AUTS2: variants seen among roughly 807,000 people sequenced by gnomAD.
AUTS2 encodes the protein activator of transcription and developmental regulator AUTS2, also known as autism susceptibility gene 2 protein.
AUTS2 carries 17 observed loss-of-function variants against 112.4 expected under a neutral mutation model. The ratio of observed to expected loss-of-function variants is 0.15; its 90% CI spans 0.10 to 0.23. The LOEUF is 0.23. AUTS2 is among the 10% of genes least tolerant of loss of function. AUTS2 has a pLI of 1.00. For missense variants in AUTS2, 1,510 were observed against 1,701.6 expected (o/e 0.89, Z 1.98); for synonymous variants, 751 against 702.7 (o/e 1.07, Z -1.09).
chr7:69,684,228 G>A (rs1796953608), intron 1 of AUTS2, among the ~76,000 whole-genome samples: 1 of 152,176 alleles, frequency 6.6e-6, no homozygotes, highest in Non-Finnish European at 1.5e-5. Flanking sequence ...CTAGGAGGCT[G>A]TTTTGATAAT....
intron 5 of AUTS2, among the ~76,000 whole-genome samples, chr7:70,503,331 T>C (rs868586488): frequency 2.0e-5 from 3 of 151,970 alleles, no homozygotes; most frequent in South Asian, 2.1e-4. Context: ...ATTCTAAGTG[T>C]AGCATTAGAT....
chr7:70,631,393 G>A lies in AUTS2; in HGVS notation c.691-67176G>A, dbSNP rs1342188021. 6.6e-6 allele frequency among the ~76,000 whole-genome samples: 1 copy of A among 152,208 alleles called. No homozygotes were observed. Among genetic ancestry groups the A allele is most frequent in the East Asian group, 1.9e-4 (1 of 5,194 alleles). On this transcript the variant is annotated intron_variant, in intron 5 of 18. Coordinates refer to ENST00000342771, the MANE Select transcript of AUTS2 (RefSeq NM_015570.4). The surrounding 1 kb of genome is among the most constrained non-coding windows in gnomAD (Gnocchi z 4.5). ...CATGCGTGTCTGCACTGCTGTGTGC[G>A]TGTCGGGCATGCTGCTCTGTGCGGG...
chr7:70,771,941 A>G (rs1198457026), intron 11 of AUTS2, among the ~76,000 whole-genome samples: 2 of 152,222 alleles, frequency 1.3e-5, no homozygotes, highest in Non-Finnish European at 2.9e-5. Context: ...TATCGTGGAC[A>G]TAACTTCTGG....
chr7:70,759,840 G>A (rs1228937299), intron 6 of AUTS2, among the ~76,000 whole-genome samples: 2 of 152,122 alleles, frequency 1.3e-5, no homozygotes, highest in East Asian at 3.9e-4. Context: ...TGTCTCTGAT[G>A]TGCCTCCTTA....
At chr7:69,902,881 T>C (rs1043462889) in intron 2 of AUTS2, among the ~76,000 whole-genome samples, 30 of 152,218 alleles carry the variant, frequency 2.0e-4, no homozygotes, top group Non-Finnish European at 5.9e-5. Context: ...TAGAAGATGC[T>C]GAGGTGGCAC....
intron 1 of AUTS2, among the ~76,000 whole-genome samples, chr7:69,828,376 T>A (rs1791348663): frequency 6.6e-6 from 1 of 152,188 alleles, no homozygotes; most frequent in Non-Finnish European, 1.5e-5. Flanking sequence ...TTGCCATCTT[T>A]GAACCGTGAG....
chr7:70,787,801 A>G (rs1791611973), intron 18 of AUTS2, among the ~76,000 whole-genome samples: 1 of 152,230 alleles, frequency 6.6e-6, no homozygotes, highest in Non-Finnish European at 1.5e-5. Context: ...CGTGCAGTCC[A>G]TTTAACCATC....
At chr7:69,770,537 A>ATGAGCTACATGGCATGTAGAG (rs1319995467) in intron 1 of AUTS2, among the ~76,000 whole-genome samples, 36 of 152,096 alleles carry the variant, frequency 2.4e-4, no homozygotes, top group African/African-American at 7.5e-4. Flanking sequence ...CCTGTTGGGC[A>ATGAGCTACATGGCATGTAGAG]TGAGCTACAT....
At chr7:70,051,862 A>G (rs1801770283) in intron 2 of AUTS2, among the ~76,000 whole-genome samples, 1 of 152,220 alleles carries the variant, frequency 6.6e-6, no homozygotes, top group African/African-American at 2.4e-5. Context: ...TAGGAAAAAG[A>G]ATTCAGATAT....
At chr7:69,809,923 A>G (rs925318718) in intron 1 of AUTS2, among the ~76,000 whole-genome samples, 2 of 152,226 alleles carry the variant, frequency 1.3e-5, no homozygotes, top group African/African-American at 4.8e-5. Flanking sequence ...CTCTGCCCCA[A>G]TAAAATCAAT....
At chr7:70,599,423 G>A (rs1055974327) in intron 5 of AUTS2, among the ~76,000 whole-genome samples, 1 of 152,210 alleles carries the variant, frequency 6.6e-6, no homozygotes, top group Non-Finnish European at 1.5e-5. Flanking sequence ...AGCTGGAGGA[G>A]TACTTTGAGG....
At chr7:70,143,797 G>A (rs769746822) in intron 4 of AUTS2, among the ~76,000 whole-genome samples, 2 of 152,172 alleles carry the variant, frequency 1.3e-5, no homozygotes, top group South Asian at 4.1e-4. Flanking sequence ...TTGGAATGGA[G>A]TGGTGAAGCC....
chr7:70,219,124 C>T (rs1322600583), intron 4 of AUTS2, among the ~76,000 whole-genome samples: 12 of 152,176 alleles, frequency 7.9e-5, no homozygotes, highest in Non-Finnish European at 4.4e-5. Context: ...TTTTCTCCTT[C>T]TGGAGAGAGA....
Position 70,385,363 on chromosome 7 carries a change from A to T in AUTS2, c.661-50389A>T, listed in dbSNP as rs117571081. On this transcript the variant is annotated intron_variant, in intron 4 of 18. Coordinates refer to ENST00000342771, the MANE Select transcript of AUTS2 (RefSeq NM_015570.4). Reference sequence around the variant, plus strand: ...TTTTTTATCTTCTTGATTTCTAAGAATCATAACATGGGTATTTCAGTATGA... The same window carrying T: ...TTTTTTATCTTCTTGATTTCTAAGATTCATAACATGGGTATTTCAGTATGA... Among the ~76,000 whole-genome samples the T allele has an allele frequency of 5.2e-3, 794 of 152,346 alleles. 7 individuals are homozygous for T. Among genetic ancestry groups the T allele is most frequent in the Non-Finnish European group, 5.3e-3 (363 of 68,034 alleles).
At chr7:69,662,210 A>G (rs1795835183) in intron 1 of AUTS2, among the ~76,000 whole-genome samples, 1 of 146,896 alleles carries the variant, frequency 6.8e-6, no homozygotes, top group Non-Finnish European at 1.5e-5. Context: ...AGTTGATTTG[A>G]CTTTTTAGTA....
chr7:69,787,412 T>G (rs1789424821), intron 1 of AUTS2, among the ~76,000 whole-genome samples: 1 of 152,226 alleles, frequency 6.6e-6, no homozygotes, highest in Non-Finnish European at 1.5e-5. Context: ...AGTATCAGGA[T>G]CTTTCTCTCT....
chr7:69,650,517 C>G (rs541997313), intron 1 of AUTS2, among the ~76,000 whole-genome samples: 1 of 152,144 alleles, frequency 6.6e-6, no homozygotes, highest in South Asian at 2.1e-4. Context: ...GGAGAACTTT[C>G]ATCATTTTAG....
intron 5 of AUTS2, among the ~76,000 whole-genome samples, chr7:70,633,792 C>A (rs1236331807): frequency 6.6e-6 from 1 of 152,068 alleles, no homozygotes; most frequent in African/African-American, 2.4e-5. Flanking sequence ...AATGTTCTTA[C>A]TCTAGGAAAT....
intron 4 of AUTS2, among the ~76,000 whole-genome samples, chr7:70,419,014 C>T (rs1795103619): frequency 6.6e-6 from 1 of 151,776 alleles, no homozygotes; most frequent in South Asian, 2.1e-4. Flanking sequence ...TTACTATCAC[C>T]CCCGTTTTAT....
Sources: allele counts gnomAD v4.1 joint callset (sites outside exome capture counted in the v4.1 genomes callset), GRCh38; gene constraint gnomAD v4.1.1; non-coding constraint Gnocchi (gnomAD v3.1); transcripts MANE v1.5; gene names NCBI Gene and HGNC (gene_info 2026-07-23, HGNC 2026-07-21).